Variants in PRKG1 observed in about 807,000 individuals in gnomAD.
PRKG1 encodes the protein protein kinase cGMP-dependent 1, also known as cGMP-dependent protein kinase 1.
Under a neutral mutation model 88.1 loss-of-function variants are expected in PRKG1, and 35 were observed. That is an observed-to-expected ratio of 0.40 (90% CI 0.30 to 0.53). The LOEUF (loss-of-function observed/expected upper bound fraction) is 0.53, where lower values mean the gene tolerates loss of function less well. Among genes scored for constraint, PRKG1 ranks in the 20% least tolerant of loss-of-function variants. The probability of loss-of-function intolerance (pLI) is 0.59; values close to 1 mark genes in which losing one functional copy is unlikely to be tolerated. For missense variants in PRKG1, 540 were observed against 839.8 expected (o/e 0.64, Z 4.41); for synonymous variants, 303 against 292.5 (o/e 1.04, Z -0.37).
chr10:51,074,213 TGA>T (rs1843885270), upstream of PRKG1: 1 of 182,230 alleles, frequency 5.5e-6, no homozygotes, highest in African/African-American at 2.4e-5. Context: ...CGAGGGACTC[TGA>T]GAGCCCAGCC....
Position 51,450,217 on chromosome 10 carries a change from G to T in PRKG1, c.479-17506G>T, listed in dbSNP as rs1426536739. On this transcript the variant is annotated intron_variant, in intron 2 of 17. Coordinates refer to ENST00000373980, the MANE Select transcript of PRKG1 (RefSeq NM_006258.4). ...AAAGTTCTTCAGTAATAGAAGAATG[G>T]TTAACATAAACGTGTTAAGAAACAA... Among the ~76,000 whole-genome samples, 3 of 151,916 alleles carry T rather than the reference G, an allele frequency of 2.0e-5. No homozygotes were observed. The South Asian group carries it at 6.2e-4, about 31-fold the overall frequency.
chr10:51,425,439 T>C (rs1461745426), intron 2 of PRKG1, among the ~76,000 whole-genome samples: 1 of 152,224 alleles, frequency 6.6e-6, no homozygotes, highest in Non-Finnish European at 1.5e-5. Context: ...TGTTGTCTCA[T>C]AATCAAGCCA....
chr10:52,248,448 G>T (rs1161844188), intron 9 of PRKG1, among the ~76,000 whole-genome samples: 1 of 152,076 alleles, frequency 6.6e-6, no homozygotes, highest in Admixed American at 6.6e-5. Context: ...ACAGAATGGA[G>T]GATCAAGAGG....
At chr10:51,064,844 A>G (rs921780886) in intron 1 of PRKG1, among the ~76,000 whole-genome samples, 1 of 152,074 alleles carries the variant, frequency 6.6e-6, no homozygotes, top group Non-Finnish European at 1.5e-5. Context: ...TGTTAAGCTT[A>G]TGATTTTATA....
chr10:51,358,861 G>T (rs772483566), intron 2 of PRKG1, among the ~76,000 whole-genome samples: 20 of 149,680 alleles, frequency 1.3e-4, no homozygotes, highest in Non-Finnish European at 2.7e-4. Flanking sequence ...TATTTAAAAG[G>T]ACAGCTTTAA....
At chr10:51,863,624 G>T (rs781698950) in intron 4 of PRKG1, among the ~76,000 whole-genome samples, 1 of 152,216 alleles carries the variant, frequency 6.6e-6, no homozygotes, top group Admixed American at 6.5e-5. Context: ...AGAATGTGAG[G>T]CTATAAATTC....
chr10:51,484,277 G>A (rs1024269687), intron 3 of PRKG1, among the ~76,000 whole-genome samples: 18 of 152,166 alleles, frequency 1.2e-4, no homozygotes, highest in East Asian at 9.7e-4. Context: ...AGCAGTTTCC[G>A]CGTAATAAAA....
At chr10:51,845,624 A>T (rs1169496816) in intron 4 of PRKG1, among the ~76,000 whole-genome samples, 1 of 152,194 alleles carries the variant, frequency 6.6e-6, no homozygotes, top group East Asian at 1.9e-4. Flanking sequence ...TATCACCAAT[A>T]TGGCACTTAA....
At chr10:51,846,529 T>G (rs1265176209) in intron 4 of PRKG1, among the ~76,000 whole-genome samples, 1 of 152,184 alleles carries the variant, frequency 6.6e-6, no homozygotes, top group Non-Finnish European at 1.5e-5. Context: ...TTAACTCCAG[T>G]CCTTCAAAAG....
intron 3 of PRKG1, among the ~76,000 whole-genome samples, chr10:51,676,885 T>C (rs1458046020): frequency 6.6e-6 from 1 of 152,194 alleles, no homozygotes; most frequent in Non-Finnish European, 1.5e-5. Context: ...AGAAATGAGC[T>C]TCAAAGCAGT....
chr10:51,495,117 CAG>C (rs1840814721), intron 3 of PRKG1, among the ~76,000 whole-genome samples: 1 of 151,574 alleles, frequency 6.6e-6, no homozygotes, highest in African/African-American at 2.4e-5. Flanking sequence ...TTTTTTAAGA[CAG>C]AGTCTCGCTC....
At chr10:51,430,699 T>C (rs1440029193) in intron 2 of PRKG1, among the ~76,000 whole-genome samples, 1 of 152,186 alleles carries the variant, frequency 6.6e-6, no homozygotes, top group African/African-American at 2.4e-5. Flanking sequence ...ACAATCCAGG[T>C]ATCTATCAAC....
chr10:51,628,987 AAAAACC>A (rs1371969641), intron 3 of PRKG1, among the ~76,000 whole-genome samples: 4 of 151,618 alleles, frequency 2.6e-5, no homozygotes, highest in Non-Finnish European at 5.9e-5. Context: ...AAACAAAAAC[AAAAACC>A]AAAAAAACTG....
intron 3 of PRKG1, among the ~76,000 whole-genome samples, chr10:51,628,913 T>C (rs1435127133): frequency 1.4e-5 from 2 of 147,618 alleles, no homozygotes; most frequent in African/African-American, 2.6e-5. Context: ...GAGCCGAGAT[T>C]GCGCCACTGC....
chr10:51,236,824 T>C (rs963457821), intron 2 of PRKG1, among the ~76,000 whole-genome samples: 2 of 152,034 alleles, frequency 1.3e-5, no homozygotes, highest in African/African-American at 4.8e-5. Flanking sequence ...TTCTTTCCAG[T>C]TTTGTGAGAT....
intron 1 of PRKG1, among the ~76,000 whole-genome samples, chr10:51,149,363 G>T (rs1300406862): frequency 6.6e-6 from 1 of 152,070 alleles, no homozygotes; most frequent in African/African-American, 2.4e-5. Flanking sequence ...ACAGTGAATA[G>T]TGCTGGCTCC....
chr10:52,002,554 A>G (rs766294621), intron 5 of PRKG1, among the ~76,000 whole-genome samples: 1 of 152,136 alleles, frequency 6.6e-6, no homozygotes, highest in Non-Finnish European at 1.5e-5. Flanking sequence ...ATAATGTGCC[A>G]TTGTGTAGGT....
chr10:52,260,224 T>C lies in PRKG1; in HGVS notation c.1173+8558T>C, dbSNP rs147063539. 2.0e-4 allele frequency among the ~76,000 whole-genome samples: 30 copies of C among 152,210 alleles called. No homozygotes were observed. The East Asian group carries it at 4.8e-3, about 25-fold the overall frequency. On this transcript the variant is annotated intron_variant, in intron 10 of 17. Transcript: ENST00000373980. ...GGTTTTCGGCTACATGGATGAATTG[T>C]ATCGTTAGCCTTTTTGTAACATCAG...
chr10:51,298,983 G>A (rs1420068157), intron 2 of PRKG1, among the ~76,000 whole-genome samples: 1 of 152,110 alleles, frequency 6.6e-6, no homozygotes, highest in African/African-American at 2.4e-5. Flanking sequence ...GTGCAATGGA[G>A]CACAAAGGTT....
Sources: gnomAD v4.1 joint callset for allele counts (sites outside exome capture counted in the v4.1 genomes callset) on GRCh38, gnomAD v4.1.1 for gene constraint, MANE v1.5 for transcripts, NCBI Gene and HGNC (gene_info 2026-07-23, HGNC 2026-07-21) for gene names.